Variants in CDH13 observed in about 807,000 individuals in gnomAD.
CDH13 encodes the protein cadherin 13, also known as cadherin-13.
CDH13 carries 24 observed loss-of-function variants against 63.8 expected under a neutral mutation model. That is an observed-to-expected ratio of 0.38 (90% CI 0.27 to 0.53). CDH13 has a LOEUF of 0.53. Among genes scored for constraint, CDH13 ranks in the 20% least tolerant of loss-of-function variants. The pLI is 0.85. For synonymous variants in CDH13, 503 were observed against 355.3 expected, an observed-to-expected ratio of 1.42 and a Z score of -4.67; for missense variants, 1,049 against 903.1, an observed-to-expected ratio of 1.16 and a Z score of -2.07.
chr16:83,571,676 G>A (rs180986143), intron 7 of CDH13, among the ~76,000 whole-genome samples: 1 of 152,258 alleles, frequency 6.6e-6, no homozygotes, highest in Admixed American at 6.5e-5. Flanking sequence ...TCCTGAGGAG[G>A]ACCAGGGGTA....
chr16:82,639,211 C>T lies in CDH13; in HGVS notation c.45+12074C>T, dbSNP rs1440733803. 6.2e-6 allele frequency: 3 copies of T among 485,212 alleles called. No homozygotes were observed. In the Admixed American group the frequency reaches 1.1e-4, roughly 17 times the overall value. 30.1% of individuals were successfully genotyped at this position (485,212 alleles called of 1,614,324 possible). On this transcript the variant is annotated intron_variant, in intron 1 of 13. Coordinates refer to ENST00000567109, the MANE Select transcript of CDH13 (RefSeq NM_001257.5). ...ACCTCCCTTAAAGTCAAGATAGCTG[C>T]CTGGGATGACTACTTTTTTGAGTTC... is the stretch of plus-strand genomic sequence containing the variant.
chr16:83,117,816 G>A (rs569458253), intron 3 of CDH13, among the ~76,000 whole-genome samples: 2 of 152,106 alleles, frequency 1.3e-5, no homozygotes, highest in Admixed American at 6.5e-5. Context: ...TGTTTCAGGG[G>A]TCTCCCCTTT....
At chr16:83,791,855 A>G (rs1175665510) in intron 13 of CDH13, among the ~76,000 whole-genome samples, 1 of 151,266 alleles carries the variant, frequency 6.6e-6, no homozygotes, top group Non-Finnish European at 1.5e-5. Context: ...AAAGATAGCC[A>G]GTAAACACTT....
chr16:83,419,396 A>G (rs1272207287), intron 6 of CDH13, among the ~76,000 whole-genome samples: 1 of 152,224 alleles, frequency 6.6e-6, no homozygotes, highest in East Asian at 1.9e-4. Flanking sequence ...TCATGAATAT[A>G]CACAGTGAGA....
At position 83,516,309 on chromosome 16, in the gene CDH13, G is replaced by C. The variant is rs78401483; in HGVS notation, c.960+29654G>C. The stretch of plus-strand genomic sequence containing the variant: ...TCTGAGGTTCTCTTCTCATCAGAGT[G>C]GGGGCACCCTATAATTTTGAGACCT... On this transcript the variant is annotated intron_variant, in intron 7 of 13. Transcript: ENST00000567109. Among the ~76,000 whole-genome samples, 640 of 152,306 alleles carry C rather than the reference G, an allele frequency of 4.2e-3. 6 individuals are homozygous for C. The highest frequency in any genetic ancestry group is 0.015 in the African/African-American group (622 of 41,560).
intron 3 of CDH13, among the ~76,000 whole-genome samples, chr16:83,039,675 G>C (rs1229130737): frequency 2.0e-5 from 3 of 152,082 alleles, no homozygotes; most frequent in Non-Finnish European, 4.4e-5. Flanking sequence ...GCCTGGCGCA[G>C]AGTATTCAGT....
intron 3 of CDH13, among the ~76,000 whole-genome samples, chr16:83,123,742 G>C (rs972109131): frequency 1.3e-5 from 2 of 152,184 alleles, no homozygotes; most frequent in African/African-American, 4.8e-5. Flanking sequence ...TTGCTAGGTT[G>C]AATGGTAGTT....
chr16:83,372,443 G>A (rs1410532118), intron 6 of CDH13, among the ~76,000 whole-genome samples: 1 of 151,890 alleles, frequency 6.6e-6, no homozygotes, highest in East Asian at 1.9e-4. Flanking sequence ...GTTTTTCATG[G>A]GCCAGGTCTA....
chr16:82,947,886 T>C (rs1904902580), intron 2 of CDH13, among the ~76,000 whole-genome samples: 1 of 152,172 alleles, frequency 6.6e-6, no homozygotes, highest in Non-Finnish European at 1.5e-5. Context: ...AGTAATGAAT[T>C]CATGATGGAA....
intron 3 of CDH13, among the ~76,000 whole-genome samples, chr16:83,079,192 G>T (rs978515062): frequency 6.6e-6 from 1 of 152,166 alleles, no homozygotes; most frequent in African/African-American, 2.4e-5. Context: ...CAGGAGAATT[G>T]GTCAAACAGG....
At chr16:82,684,713 G>A (rs1187292206) in intron 1 of CDH13, among the ~76,000 whole-genome samples, 1 of 152,000 alleles carries the variant, frequency 6.6e-6, no homozygotes, top group African/African-American at 2.4e-5. Context: ...AAATGATTGA[G>A]TGCTTTGGCA....
At chr16:83,756,878 A>T (rs1183745540) in intron 11 of CDH13, among the ~76,000 whole-genome samples, 1 of 152,228 alleles carries the variant, frequency 6.6e-6, no homozygotes, top group Non-Finnish European at 1.5e-5. Context: ...CTTCAAGAAA[A>T]AACAACAAGG....
At position 83,315,228 on chromosome 16, in the gene CDH13, G is replaced by A. The variant is rs140508497; in HGVS notation, c.637-29634G>A. ...TGGCGTCTTACCAGTAAACTCCGCT[G>A]AATCCGAGGAAGGGCCTTAGGCCTT... On this transcript the variant is annotated intron_variant, in intron 5 of 13. Transcript: ENST00000567109. 3.5e-3 allele frequency among the ~76,000 whole-genome samples: 527 copies of A among 152,330 alleles called. 3 individuals carry two copies. The highest frequency in any genetic ancestry group is 0.012 in the African/African-American group (498 of 41,576).
At chr16:83,532,793 G>A (rs570762816) in intron 7 of CDH13, among the ~76,000 whole-genome samples, 1 of 152,198 alleles carries the variant, frequency 6.6e-6, no homozygotes, top group African/African-American at 2.4e-5. Flanking sequence ...CACTAGAGCA[G>A]TTGTCCCATT....
intron 8 of CDH13, among the ~76,000 whole-genome samples, chr16:83,652,316 G>A (rs542666019): frequency 2.1e-4 from 32 of 152,308 alleles, no homozygotes; most frequent in Middle Eastern, 3.4e-3. Flanking sequence ...GGTTTCTCTT[G>A]TCCTTGTTTG....
At chr16:83,290,805 C>T (rs768942174) in intron 5 of CDH13, among the ~76,000 whole-genome samples, 5 of 152,064 alleles carry the variant, frequency 3.3e-5, no homozygotes, top group East Asian at 1.9e-4. Flanking sequence ...TTTTTTCTTT[C>T]TGACCATGCA....
chr16:82,723,689 G>T (rs1182008583), intron 1 of CDH13, among the ~76,000 whole-genome samples: 2 of 152,176 alleles, frequency 1.3e-5, no homozygotes, highest in African/African-American at 4.8e-5. Context: ...ATTGCGACAG[G>T]AGTGAAAGAT....
intron 1 of CDH13, among the ~76,000 whole-genome samples, chr16:82,743,132 T>C (rs961596032): frequency 6.6e-6 from 1 of 152,238 alleles, no homozygotes; most frequent in Non-Finnish European, 1.5e-5. Flanking sequence ...TTGGAAATGA[T>C]TTTTAAAAAT....
intron 10 of CDH13, chr16:83,726,065 A>G (rs1178476971): frequency 1.3e-5 from 2 of 152,240 alleles, no homozygotes; most frequent in Non-Finnish European, 1.5e-5. Context: ...CTGCACTTAC[A>G]CAACATTGTA....
Sources: gnomAD v4.1 joint callset for allele counts (sites outside exome capture counted in the v4.1 genomes callset) on GRCh38, gnomAD v4.1.1 for gene constraint, MANE v1.5 for transcripts, NCBI Gene and HGNC (gene_info 2026-07-23, HGNC 2026-07-21) for gene names.